Variants in ANO1 observed in about 807,000 individuals in gnomAD.
The protein encoded by ANO1 is anoctamin-1.
ANO1 carries 59 observed loss-of-function variants against 124.0 expected under a neutral mutation model. That is an observed-to-expected ratio of 0.48 (90% CI 0.39 to 0.59). ANO1 has a LOEUF of 0.59. ANO1 is among the 20% of genes least tolerant of loss of function. The pLI, the probability that ANO1 is intolerant of heterozygous loss-of-function variation, is 0.00. For synonymous variants in ANO1, 529 were observed against 532.0 expected (o/e 0.99, Z 0.08); for missense variants, 1,059 against 1,328.0 (o/e 0.80, Z 3.15).
chr11:70,112,742 A>AT (rs2045836080), intron 7 of ANO1, among the ~76,000 whole-genome samples: 1 of 151,818 alleles, frequency 6.6e-6, no homozygotes, highest in African/African-American at 2.4e-5. Context: ...TATTGTTAGT[A>AT]GAGATGGGGT....
chr11:70,079,408 C>T (rs2044136802), intron 1 of ANO1, among the ~76,000 whole-genome samples: 1 of 152,076 alleles, frequency 6.6e-6, no homozygotes, highest in Non-Finnish European at 1.5e-5. Context: ...GGAAGCCAGT[C>T]ATGTAAGTTG....
rs2044907762 is a variant in ANO1 at position 70,095,434 on chromosome 11, A to AG, written c.441+7350_441+7351insG. 8.7e-5 allele frequency among the ~76,000 whole-genome samples: 13 copies of AG among 149,876 alleles called. 1 individual carries two copies. The highest frequency in any genetic ancestry group is 2.7e-4 in the Admixed American group (4 of 15,002). ...AGAAAGAAAGAAAGAAAGAAAAGAA[A>AG]AGAAAGAAAGAGGGAAAGAAAATTC... is the stretch of plus-strand genomic sequence containing the variant. On this transcript the variant is annotated intron_variant, in intron 2 of 25. Transcript: ENST00000355303.
intron 1 of ANO1, among the ~76,000 whole-genome samples, chr11:70,032,363 G>A (rs1326415108): frequency 6.6e-6 from 1 of 152,130 alleles, no homozygotes; most frequent in Non-Finnish European, 1.5e-5. Flanking sequence ...GGCGGGTGCA[G>A]GCAGGTGCCC....
At chr11:70,043,765 G>C (rs1309481306) in intron 1 of ANO1, among the ~76,000 whole-genome samples, 1 of 152,084 alleles carries the variant, frequency 6.6e-6, no homozygotes, top group East Asian at 1.9e-4. Context: ...TTTTACAGAA[G>C]AACAAAATCT....
chr11:70,143,147 GT>G (rs1285733017), intron 11 of ANO1, among the ~76,000 whole-genome samples: 2 of 152,198 alleles, frequency 1.3e-5, no homozygotes, highest in Non-Finnish European at 2.9e-5. Flanking sequence ...GGGCTCAGGG[GT>G]GGAGGGCAGA....
At chr11:70,068,746 C>T (rs1049541914) in intron 1 of ANO1, among the ~76,000 whole-genome samples, 5 of 152,180 alleles carry the variant, frequency 3.3e-5, no homozygotes, top group African/African-American at 1.2e-4. Flanking sequence ...TTTCCCTAGC[C>T]CACTCCTCCA....
chr11:70,040,326 T>C (rs1311755788), intron 1 of ANO1, among the ~76,000 whole-genome samples: 4 of 152,140 alleles, frequency 2.6e-5, no homozygotes, highest in African/African-American at 7.2e-5. Flanking sequence ...AAAGGGCCCA[T>C]GCACTTTTTA....
chr11:70,162,821 G>A (rs1005396390), intron 18 of ANO1, among the ~76,000 whole-genome samples: 5 of 152,238 alleles, frequency 3.3e-5, no homozygotes, highest in South Asian at 2.1e-4. Context: ...CTAGAAAGCC[G>A]AGAGGTTGTC....
intron 25 of ANO1, among the ~76,000 whole-genome samples, 195 bp from the exon 26 acceptor site, chr11:70,187,543 C>T (rs573112582): frequency 2.6e-5 from 4 of 152,262 alleles, no homozygotes; most frequent in Admixed American, 6.5e-5. Context: ...TCGAGAAAGT[C>T]GGCCAACATT....
intron 23 of ANO1, 115 bp downstream of exon 23, chr11:70,180,171 C>A: frequency 1.1e-6 from 1 of 945,964 alleles, no homozygotes; most frequent in Non-Finnish European, 1.7e-6. Context: ...CATGGTGCAG[C>A]CCCAGGCTGC....
intron 11 of ANO1, among the ~76,000 whole-genome samples, chr11:70,142,158 T>C (rs946069767): frequency 6.6e-6 from 1 of 152,246 alleles, no homozygotes; most frequent in Non-Finnish European, 1.5e-5. Context: ...TCTGAAATTA[T>C]AGCATAATAA....
chr11:69,979,934 C>T, the ANO1 span, among the ~76,000 whole-genome samples: 1 of 152,144 alleles, frequency 6.6e-6, no homozygotes, highest in Non-Finnish European at 1.5e-5. Flanking sequence ...CTGTGCCGTG[C>T]CGTGGTTCAG....
At chr11:70,067,722 C>T (rs1272838608) in intron 1 of ANO1, among the ~76,000 whole-genome samples, 1 of 152,178 alleles carries the variant, frequency 6.6e-6, no homozygotes, top group African/African-American at 2.4e-5. Context: ...GCCCCAAGGC[C>T]CTTCCCAGCC....
intron 8 of ANO1, among the ~76,000 whole-genome samples, chr11:70,116,943 G>A (rs937732750): frequency 3.3e-5 from 5 of 152,106 alleles, no homozygotes; most frequent in South Asian, 2.1e-4. Context: ...CCCCAGCAGC[G>A]CATTGGGGAA....
chr11:69,986,705 G>A lies in ANO1; in HGVS notation c.58+539G>A, dbSNP rs1554996917. ...AATGAGGCCTGGACGCTAGGCCGGA[G>A]GGGGAGTCCCTGACTTCCTCCCCCC... On this transcript the variant is annotated intron_variant, in intron 1 of 27. Transcript: ENST00000531349. Among the ~76,000 whole-genome samples the A allele has an allele frequency of 5.9e-5, 9 of 152,142 alleles. No homozygotes were observed. In the South Asian group the frequency reaches 1.2e-3, roughly 21 times the overall value.
At chr11:70,118,669 T>A (rs958653933) in intron 8 of ANO1, among the ~76,000 whole-genome samples, 2 of 4,496 alleles carry the variant, frequency 4.4e-4, no homozygotes, top group Admixed American at 4.9e-3. Context: ...GATGGGTGGG[T>A]GGGTGGGTGG....
In ANO1 at chr11:70,006,571, C is replaced by CT. The variant is rs1211659155; in HGVS notation, c.58+20408dup. On this transcript the variant is annotated intron_variant, in intron 1 of 27. Transcript: ENST00000531349. ...CTTCCTTTCTTTCTTTCTTTTCTTTCTTTCTTTCTTACTTACTTTCTTTCT... is the reference window on the plus strand; with the variant it reads ...CTTCCTTTCTTTCTTTCTTTTCTTTCTTTTCTTTCTTACTTACTTTCTTTCT... Among the ~76,000 whole-genome samples, 344 of 99,794 alleles carry CT rather than the reference C, an allele frequency of 3.4e-3. 1 individual carries two copies. The highest frequency in any genetic ancestry group is 9.2e-3 in the African/African-American group (301 of 32,718). 65.5% of individuals were successfully genotyped at this position (99,794 alleles called of 152,430 possible). A position where few individuals can be genotyped will look rare whatever the true frequency, so the allele number is the denominator to read the frequency against.
At chr11:70,073,839 TCCCCCCGCCCCCCA>T (rs1373426819), upstream of ANO1, among the ~76,000 whole-genome samples, 3 of 95,850 alleles carry the variant, frequency 3.1e-5, no homozygotes, top group African/African-American at 1.2e-4. Context: ...ATCCGCACCC[TCCCCCCGCCCCCCA>T]CCCCCAAGAC....
At chr11:70,119,977 A>G (rs2509137) in intron 8 of ANO1, among the ~76,000 whole-genome samples, 130,972 of 151,990 alleles carry the variant, frequency 0.86, 56,551 homozygotes, top group Middle Eastern at 0.91. Context: ...TCAGAGCTGC[A>G]GGGAACTCTG....
Sources: gnomAD v4.1 joint callset for allele counts (sites outside exome capture counted in the v4.1 genomes callset) on GRCh38, gnomAD v4.1.1 for gene constraint, MANE v1.5 for transcripts, NCBI Gene and HGNC (gene_info 2026-07-23, HGNC 2026-07-21) for gene names.